Variants in TRERF1 observed in about 807,000 individuals in gnomAD.
The protein encoded by TRERF1 is transcriptional regulating factor 1.
In TRERF1, 27 loss-of-function variants were observed where a neutral mutation model predicts 122.9. The ratio of observed to expected loss-of-function variants is 0.22; its 90% CI spans 0.16 to 0.30. The LOEUF is 0.30. TRERF1 is among the 10% of genes least tolerant of loss of function. The probability of loss-of-function intolerance (pLI) is 1.00; values close to 1 mark genes in which losing one functional copy is unlikely to be tolerated. For synonymous variants in TRERF1, 636 were observed against 641.7 expected (o/e 0.99, Z 0.13); for missense variants, 1,248 against 1,560.3 (o/e 0.80, Z 3.37).
chr6:42,269,292 T>C lies in TRERF1; in HGVS notation c.299A>G (p.Asn100Ser). 6.2e-7 allele frequency: 1 copy of C among 1,614,130 alleles called. No homozygotes were observed. The change falls in exon 5 of 18, where the codon AAC becomes AGC. Residue 100 changes from asparagine (N) to serine (S), a missense_variant. Asn to Ser is a conservative substitution (Grantham distance 46). Transcript: ENST00000372922. This position sits in a 1 kb window ranked among gnomAD's most constrained non-coding sequence, Gnocchi z 4.9. ...CCACATCATGTTTGAGTTGGCCAGG[T>C]TTCCACGTAGCTGGACATGGTTTCC...
chr6:42,266,188 CTT>C (rs34950753), intron 5 of TRERF1, among the ~76,000 whole-genome samples: 58 of 128,022 alleles, frequency 4.5e-4, no homozygotes, highest in Admixed American at 7.2e-4. Context: ...TGATGGAATT[CTT>C]TTTTTTTTTT....
intron 3 of TRERF1, among the ~76,000 whole-genome samples, chr6:42,345,775 G>A (rs1195696661): frequency 6.6e-6 from 1 of 152,178 alleles, no homozygotes; most frequent in African/African-American, 2.4e-5. Context: ...CCTAGGCCTG[G>A]CTTGGGGCAC....
intron 3 of TRERF1, among the ~76,000 whole-genome samples, chr6:42,321,496 T>A (rs776764791): frequency 6.6e-6 from 1 of 152,056 alleles, no homozygotes; most frequent in Non-Finnish European, 1.5e-5. Flanking sequence ...AAAGAAAGTA[T>A]CCATAGTATA....
At chr6:42,226,091 A>C (rs1338931553) in exon 18 of TRERF1, 1 of 152,242 alleles carries the variant, frequency 6.6e-6, no homozygotes, top group Non-Finnish European at 1.5e-5. Flanking sequence ...GTCAAGAAAT[A>C]CTAATTCAGG....
chr6:42,368,973 C>T (rs1490483822), intron 2 of TRERF1, among the ~76,000 whole-genome samples: 1 of 152,048 alleles, frequency 6.6e-6, no homozygotes, highest in Non-Finnish European at 1.5e-5. Flanking sequence ...GACCCGAATC[C>T]AGGGGTTCCC....
chr6:42,343,941 A>G (rs2150741659), intron 3 of TRERF1, among the ~76,000 whole-genome samples: 1 of 152,342 alleles, frequency 6.6e-6, no homozygotes, highest in South Asian at 2.1e-4. Context: ...AGAGCTGCTG[A>G]GCCTCAGTTC....
Position 42,393,076 on chromosome 6 carries a change from T to A in TRERF1, c.-453-29997A>T, listed in dbSNP as rs147547656. On this transcript the variant is annotated intron_variant, in intron 2 of 17. Transcript: ENST00000372922. The surrounding 1 kb of genome is among the most constrained non-coding windows in gnomAD (Gnocchi z 4.1). ...TGCACAGTTAACTCCCACGAGCTGGTGCGAGCCAGCTTCCACACGCATCAC... is the reference window on the plus strand; with the variant it reads ...TGCACAGTTAACTCCCACGAGCTGGAGCGAGCCAGCTTCCACACGCATCAC... Among the ~76,000 whole-genome samples the A allele has an allele frequency of 4.6e-5, 7 of 152,304 alleles. No homozygotes were observed. In the East Asian group the frequency reaches 1.4e-3, roughly 29 times the overall value.
At position 42,259,809 on chromosome 6, in the gene TRERF1, T is replaced by C; in HGVS notation, c.1885-86A>G. 5 of 1,564,146 alleles carry C rather than the reference T, an allele frequency of 3.2e-6. No homozygotes were observed. The highest frequency in any genetic ancestry group is 1.4e-5 in the African/African-American group (1 of 73,592). On this transcript the variant is annotated intron_variant, in intron 8 of 17. Transcript: ENST00000372922. The surrounding 1 kb of genome is among the most constrained non-coding windows in gnomAD (Gnocchi z 4.9). ...AGGTTCAGGGAAGGGGGCCTTCTACTGTCTAAGCAGAGAGCCCTTCTGCTT... is the reference window on the plus strand; with the variant it reads ...AGGTTCAGGGAAGGGGGCCTTCTACCGTCTAAGCAGAGAGCCCTTCTGCTT...
chr6:42,413,921 T>G (rs990309424), intron 2 of TRERF1, among the ~76,000 whole-genome samples: 24 of 152,256 alleles, frequency 1.6e-4, no homozygotes, highest in Middle Eastern at 3.4e-3. Flanking sequence ...AAGCCAAAAG[T>G]TGGCCCTTTG....
intron 3 of TRERF1, among the ~76,000 whole-genome samples, chr6:42,313,362 G>A (rs1205030074): frequency 6.6e-6 from 1 of 152,172 alleles, no homozygotes; most frequent in Non-Finnish European, 1.5e-5. Context: ...GGAGGAAAGT[G>A]TCGTTCACAT....
intron 15 of TRERF1, among the ~76,000 whole-genome samples, chr6:42,238,893 G>A (rs1187039836): frequency 6.7e-6 from 1 of 149,136 alleles, no homozygotes; most frequent in African/African-American, 2.5e-5. Context: ...TCATAACACT[G>A]TAAAATTTTT....
intron 16 of TRERF1, 75 bp downstream of exon 16, chr6:42,236,130 A>G: frequency 6.7e-7 from 1 of 1,496,044 alleles, no homozygotes; most frequent in Non-Finnish European, 8.9e-7. Context: ...TCGAAAATAC[A>G]TCATCTCTTA....
intron 2 of TRERF1, among the ~76,000 whole-genome samples, chr6:42,371,837 C>T (rs1190916759): frequency 6.6e-6 from 1 of 152,160 alleles, no homozygotes; most frequent in Non-Finnish European, 1.5e-5. Flanking sequence ...TGCCCTGTAG[C>T]AGCACTGTTC....
chr6:42,280,713 T>A (rs1237745572), intron 4 of TRERF1, among the ~76,000 whole-genome samples: 2 of 142,622 alleles, frequency 1.4e-5, no homozygotes, highest in Non-Finnish European at 3.1e-5. Flanking sequence ...CTGTGTAGGC[T>A]CTCGGGGCCC....
At chr6:42,385,377 T>C (rs562120411) in intron 2 of TRERF1, among the ~76,000 whole-genome samples, 1 of 152,278 alleles carries the variant, frequency 6.6e-6, no homozygotes, top group Admixed American at 6.5e-5. Context: ...AAAATGTTCT[T>C]CCTCAAAATT....
At chr6:42,404,412 A>C (rs1044588972) in intron 2 of TRERF1, among the ~76,000 whole-genome samples, 2 of 151,964 alleles carry the variant, frequency 1.3e-5, no homozygotes, top group Non-Finnish European at 2.9e-5. Flanking sequence ...GCACAATTCT[A>C]ATCATTTCCT....
chr6:42,346,685 A>G (rs1768354303), intron 3 of TRERF1, among the ~76,000 whole-genome samples: 1 of 152,240 alleles, frequency 6.6e-6, no homozygotes, highest in African/African-American at 2.4e-5. Context: ...TGGCATCTAA[A>G]GAGACCAACC....
At chr6:42,278,725 CA>C (rs1781739390) in intron 4 of TRERF1, among the ~76,000 whole-genome samples, 1 of 152,204 alleles carries the variant, frequency 6.6e-6, no homozygotes, top group Non-Finnish European at 1.5e-5. Context: ...AGCATCAAAA[CA>C]ATCCACACGT....
intron 4 of TRERF1, among the ~76,000 whole-genome samples, chr6:42,292,673 C>T (rs565506273): frequency 1.3e-5 from 2 of 152,082 alleles, no homozygotes. Context: ...TTACTGGTAA[C>T]GAAGGTGGTT....
Sources: allele counts gnomAD v4.1 joint callset (sites outside exome capture counted in the v4.1 genomes callset), GRCh38; gene constraint gnomAD v4.1.1; non-coding constraint Gnocchi (gnomAD v3.1); transcripts MANE v1.5; gene names NCBI Gene and HGNC (gene_info 2026-07-23, HGNC 2026-07-21).